TAOK3: variants seen among roughly 807,000 people sequenced by gnomAD.
The protein encoded by TAOK3 is TAO kinase 3, also known as serine/threonine-protein kinase TAO3.
TAOK3 carries 40 observed loss-of-function variants against 120.4 expected under a neutral mutation model. The observed-to-expected ratio is 0.33, with a 90% confidence interval of 0.26 to 0.43. The LOEUF is 0.43. TAOK3 is among the 20% of genes least tolerant of loss of function. The pLI is 1.00. For synonymous variants in TAOK3, 355 were observed against 387.5 expected (o/e 0.92, Z 0.99); for missense variants, 821 against 1,112.1 (o/e 0.74, Z 3.72).
At chr12:118,258,061 G>C (rs2041064529) in intron 2 of TAOK3, among the ~76,000 whole-genome samples, 1 of 152,086 alleles carries the variant, frequency 6.6e-6, no homozygotes, top group Non-Finnish European at 1.5e-5. Context: ...GCCTGTTTTT[G>C]ACTTAGATGT....
At chr12:118,351,864 CTTTTT>C (rs34956112) in intron 1 of TAOK3, among the ~76,000 whole-genome samples, 13 of 71,896 alleles carry the variant, frequency 1.8e-4, no homozygotes, top group Admixed American at 9.5e-4. Context: ...ATCTATAGTT[CTTTTT>C]TTTTTTTTTT....
chr12:118,199,541 G>A (rs1326509788), intron 12 of TAOK3: 15 of 437,156 alleles, frequency 3.4e-5, no homozygotes, highest in South Asian at 3.1e-4. Context: ...TCATATTATC[G>A]TGTTGCTATT....
At chr12:118,203,186 T>A (rs567081518) in intron 11 of TAOK3, among the ~76,000 whole-genome samples, 64 of 152,264 alleles carry the variant, frequency 4.2e-4, no homozygotes, top group African/African-American at 1.5e-3. Flanking sequence ...GGCCGTATAG[T>A]GTATGCTTGA....
intron 11 of TAOK3, among the ~76,000 whole-genome samples, chr12:118,205,783 G>C (rs1188507259): frequency 6.6e-6 from 1 of 151,900 alleles, no homozygotes; most frequent in African/African-American, 2.4e-5. Context: ...ACTACTTTTT[G>C]TATTTTTAGT....
chr12:118,234,421 T>C (rs1338213280), intron 8 of TAOK3, among the ~76,000 whole-genome samples: 4 of 151,750 alleles, frequency 2.6e-5, no homozygotes, highest in Non-Finnish European at 5.9e-5. Flanking sequence ...ATTTTTTGTA[T>C]TTTTAGTAGA....
chr12:118,262,352 G>T (rs2041266291), intron 2 of TAOK3, among the ~76,000 whole-genome samples: 1 of 151,868 alleles, frequency 6.6e-6, no homozygotes, highest in African/African-American at 2.4e-5. Context: ...GCGTGGTGGT[G>T]GGTACCTGTA....
intron 1 of TAOK3, among the ~76,000 whole-genome samples, chr12:118,318,945 A>G (rs1223320916): frequency 1.3e-5 from 2 of 152,218 alleles, no homozygotes; most frequent in Non-Finnish European, 2.9e-5. Context: ...CATAGAGAAC[A>G]TTACACTCAA....
At chr12:118,170,607 A>T (rs903876094) in intron 17 of TAOK3, among the ~76,000 whole-genome samples, 4 of 152,134 alleles carry the variant, frequency 2.6e-5, no homozygotes, top group Admixed American at 2.0e-4. Context: ...TACTAAAAAT[A>T]TAAAAATTAA....
intron 2 of TAOK3, 141 bp downstream of exon 2, chr12:118,266,514 A>C (rs962612808): frequency 1.6e-5 from 6 of 364,724 alleles, no homozygotes; most frequent in African/African-American, 8.4e-5. Context: ...AGATTTTTAT[A>C]AAAGAATATT....
chr12:118,325,035 C>T (rs1214292873), intron 1 of TAOK3, among the ~76,000 whole-genome samples: 2 of 152,076 alleles, frequency 1.3e-5, no homozygotes, highest in African/African-American at 2.4e-5. Flanking sequence ...CGTGAGCCAC[C>T]GCGCCCGGCC....
At chr12:118,222,976 C>T (rs1194362541) in intron 9 of TAOK3, among the ~76,000 whole-genome samples, 2 of 150,750 alleles carry the variant, frequency 1.3e-5, no homozygotes, top group Non-Finnish European at 1.5e-5. Context: ...GTCTACTGGG[C>T]TTAATTTTAC....
At chr12:118,192,775 A>G (rs1321103379) in intron 13 of TAOK3, among the ~76,000 whole-genome samples, 1 of 152,230 alleles carries the variant, frequency 6.6e-6, no homozygotes, top group African/African-American at 2.4e-5. Context: ...TGAACTGCAC[A>G]CATCTTAAGA....
At chr12:118,155,573 T>C (rs956894023) in intron 19 of TAOK3, among the ~76,000 whole-genome samples, 4 of 152,228 alleles carry the variant, frequency 2.6e-5, no homozygotes, top group African/African-American at 7.2e-5. Context: ...GTAACACTTA[T>C]GAGATGTTTA....
chr12:118,300,569 GCA>G (rs2042841192), intron 1 of TAOK3, among the ~76,000 whole-genome samples: 2 of 151,672 alleles, frequency 1.3e-5, no homozygotes, highest in South Asian at 4.2e-4. Context: ...TCACTATAGC[GCA>G]CACACATGCA....
intron 1 of TAOK3, among the ~76,000 whole-genome samples, chr12:118,280,080 T>G: frequency 6.7e-6 from 1 of 148,596 alleles, no homozygotes; most frequent in Non-Finnish European, 1.5e-5. Context: ...TTTTTTTTTT[T>G]TAGATGGAGT....
chr12:118,223,479 T>C (rs2039350066), intron 9 of TAOK3, among the ~76,000 whole-genome samples: 1 of 151,804 alleles, frequency 6.6e-6, no homozygotes, highest in Non-Finnish European at 1.5e-5. Context: ...CCTGAATAGC[T>C]GGGACTACAG....
At chr12:118,189,460 T>C (rs1207918249) in intron 14 of TAOK3, among the ~76,000 whole-genome samples, 2 of 151,070 alleles carry the variant, frequency 1.3e-5, no homozygotes, top group African/African-American at 4.9e-5. Flanking sequence ...TTTTAAAAAA[T>C]TGGACAGGCT....
intron 13 of TAOK3, among the ~76,000 whole-genome samples, chr12:118,192,079 G>A (rs2037462275): frequency 6.6e-6 from 1 of 152,134 alleles, no homozygotes; most frequent in South Asian, 2.1e-4. Flanking sequence ...ATTTATTCAT[G>A]TACAAATATG....
At chr12:118,303,629 A>T (rs2042950809) in intron 1 of TAOK3, among the ~76,000 whole-genome samples, 1 of 152,036 alleles carries the variant, frequency 6.6e-6, no homozygotes, top group Non-Finnish European at 1.5e-5. Flanking sequence ...ATTACTTTTT[A>T]ATTTTTCCCT....
Sources: gnomAD v4.1 joint callset for allele counts (sites outside exome capture counted in the v4.1 genomes callset) on GRCh38, gnomAD v4.1.1 for gene constraint, MANE v1.5 for transcripts, NCBI Gene and HGNC (gene_info 2026-07-23, HGNC 2026-07-21) for gene names.